Variants in ANO9 observed in about 807,000 individuals in gnomAD.
ANO9 encodes anoctamin 9, also known as anoctamin-9.
Under a neutral mutation model 100.5 loss-of-function variants are expected in ANO9, and 80 were observed. The ratio of observed to expected loss-of-function variants is 0.80; its 90% CI spans 0.66 to 0.96. The LOEUF is 0.96. ANO9 is among the 40% of genes least tolerant of loss of function. The pLI is 0.00. For missense variants in ANO9, 1,064 were observed against 1,072.7 expected, an observed-to-expected ratio of 0.99 and a Z score of 0.11; for synonymous variants, 473 against 435.6, an observed-to-expected ratio of 1.09 and a Z score of -1.07.
chr11:431,928 G>A (rs373093473), intron 5 of ANO9, 22 bp from the exon 6 acceptor site: 1 of 1,611,636 alleles, frequency 6.2e-7, no homozygotes. Context: ...GGGTTCACGA[G>A]TCAGGGGGAG....
intron 13 of ANO9, 24 bp from the exon 14 acceptor site, chr11:428,418 G>T: frequency 6.2e-7 from 1 of 1,612,622 alleles, no homozygotes; most frequent in Non-Finnish European, 8.5e-7. Flanking sequence ...CACCGAATGG[G>T]CTCACTGGGG....
intron 15 of ANO9, among the ~76,000 whole-genome samples, chr11:423,950 C>T (rs1028846479): frequency 1.0e-4 from 15 of 146,894 alleles, no homozygotes; most frequent in Non-Finnish European, 1.9e-4. Context: ...ACTCTGTCAC[C>T]CAGGCTGGAG....
intron 18 of ANO9, 49 bp from the exon 19 acceptor site, chr11:420,664 G>T: frequency 6.2e-7 from 1 of 1,601,058 alleles, no homozygotes. Flanking sequence ...CATGTCCGCG[G>T]ACCCCCGCCC....
Position 433,925 on chromosome 11 carries a change from C to G in ANO9, c.94G>C (p.Glu32Gln). ...EISTCETEAS[E>Q]QWDYVLVAQR... Reference sequence around the variant, plus strand: ...GCCACGAGGACATAGTCCCACTGCTCGGAGGCCTCGGTCTGCAGGGAGGAG... The same window carrying G: ...GCCACGAGGACATAGTCCCACTGCTGGGAGGCCTCGGTCTGCAGGGAGGAG... Residue 32 changes from glutamate (E) to glutamine (Q), a missense_variant, in exon 3 of 23, where the codon GAG becomes CAG. Physicochemically the swap from Glu to Gln is conservative, Grantham distance 29. Transcript: ENST00000332826. 1.3e-6 allele frequency: 2 copies of G among 1,561,880 alleles called. No individual in the cohort carries two copies. The highest frequency in any genetic ancestry group is 1.7e-6 in the Non-Finnish European group (2 of 1,152,970).
intron 4 of ANO9, 184 bp downstream of exon 4, chr11:433,130 T>C (rs1327562067): frequency 4.0e-6 from 3 of 741,084 alleles, no homozygotes; most frequent in Non-Finnish European, 6.2e-6. Flanking sequence ...GATCCTTTAA[T>C]GGGATGGGGA....
rs1276046837 is a variant in ANO9 at position 433,926 on chromosome 11, G to A, written c.93C>T (p.Ser31=). 2.6e-5 allele frequency: 40 copies of A among 1,561,946 alleles called. No homozygotes were observed. In the Admixed American group the frequency reaches 3.9e-4, roughly 15 times the overall value. Residue 31 remains serine (S), a synonymous_variant, in exon 3 of 23, where the codon TCC becomes TCT. Transcript: ENST00000332826. The stretch of plus-strand genomic sequence containing the variant: ...CCACGAGGACATAGTCCCACTGCTC[G>A]GAGGCCTCGGTCTGCAGGGAGGAGG... ...MEISTCETEA[S]EQWDYVLVAQ...
At chr11:439,266 C>T (rs1845646812) in intron 1 of ANO9, among the ~76,000 whole-genome samples, 1 of 152,366 alleles carries the variant, frequency 6.6e-6, no homozygotes, top group African/African-American at 2.4e-5. Context: ...CATAGGCCAG[C>T]GTCCAGTGGG....
At chr11:423,914 C>G (rs1268244114) in intron 15 of ANO9, among the ~76,000 whole-genome samples, 1 of 151,748 alleles carries the variant, frequency 6.6e-6, no homozygotes, top group Non-Finnish European at 1.5e-5. Flanking sequence ...CACACACACA[C>G]ACACACACAT....
rs957133290 is a variant in ANO9, at chr11:422,279, G to A, written c.1335-1081C>T. On this transcript the variant is annotated intron_variant, in intron 15 of 22. Coordinates refer to ENST00000332826, the MANE Select transcript of ANO9 (RefSeq NM_001012302.3). The surrounding 1 kb of genome is among the most constrained non-coding windows in gnomAD (Gnocchi z 4.3). Reference sequence around the variant, plus strand: ...GAACCTCGTTCTCCCATAAGAAAACGGAGGATGTATTTGTAGTCAGAGCGA... The same window carrying A: ...GAACCTCGTTCTCCCATAAGAAAACAGAGGATGTATTTGTAGTCAGAGCGA... 6.6e-6 allele frequency among the ~76,000 whole-genome samples: 1 copy of A among 152,202 alleles called. No individual in the cohort carries two copies. Among genetic ancestry groups the A allele is most frequent in the African/African-American group, 2.4e-5 (1 of 41,460 alleles).
intron 15 of ANO9, among the ~76,000 whole-genome samples, chr11:425,026 GT>G (rs1449306694): frequency 1.6e-5 from 2 of 123,594 alleles, no homozygotes; most frequent in African/African-American, 3.1e-5. Context: ...AAAAGGCGGC[GT>G]GGAGAGACGG....
At chr11:436,657 G>C (rs1261931783) in intron 1 of ANO9, among the ~76,000 whole-genome samples, 1 of 147,648 alleles carries the variant, frequency 6.8e-6, no homozygotes, top group Non-Finnish European at 1.5e-5. Context: ...TGAGCAGGGG[G>C]TGAGCAGGGA....
rs898661474 is a variant in ANO9, at chr11:417,997, G to C, written c.*374C>G. 3.7e-6 allele frequency: 1 copy of C among 267,262 alleles called. No individual in the cohort carries two copies. Among genetic ancestry groups the C allele is most frequent in the Non-Finnish European group, 7.1e-6 (1 of 140,602 alleles). The allele number at this position is 267,262 out of a possible 1,614,324, so 16.6% of individuals were successfully genotyped here. ...TGAAGGGAACAGGCCAGCGAGGTGG[G>C]CTCAGGACACCCCCAACAGCCAGGA... On this transcript the variant is annotated 3_prime_UTR_variant, in exon 23 of 23. Transcript: ENST00000332826. The surrounding 1 kb of genome is among the most constrained non-coding windows in gnomAD (Gnocchi z 4.2).
intron 1 of ANO9, among the ~76,000 whole-genome samples, chr11:435,523 G>A (rs1304821969): frequency 2.5e-4 from 25 of 100,430 alleles, no homozygotes; most frequent in Admixed American, 3.0e-4. Context: ...AGTCTAGTAT[G>A]GTCTAGTCTA....
intron 9 of ANO9, 34 bp downstream of exon 9, chr11:430,049 C>G: frequency 6.5e-7 from 1 of 1,542,698 alleles, no homozygotes; most frequent in Admixed American, 2.0e-5. Flanking sequence ...TCCCATCTTC[C>G]GCAGGCCCTG....
In ANO9 at chr11:428,109, T is replaced by C; in HGVS notation, c.1313A>G (p.Tyr438Cys). The C allele has an allele frequency of 6.2e-7, 1 of 1,609,546 alleles. No homozygotes were observed. Among genetic ancestry groups the C allele is most frequent in the Non-Finnish European group, 8.5e-7 (1 of 1,179,228 alleles). The part of the protein sequence containing the change: ...QFFTHFSSLI[Y>C]IAFILGRING... ...CTACCTGCCCAGGATGAAGGCGATGTAGATGAGAGACGAGAAATGGGTGAA... is the reference window on the plus strand; with the variant it reads ...CTACCTGCCCAGGATGAAGGCGATGCAGATGAGAGACGAGAAATGGGTGAA... Residue 438 changes from tyrosine to cysteine, a missense_variant, in exon 15 of 23, where the codon TAC becomes TGC. Transcript: ENST00000332826.
rs1030788747 is a variant in ANO9 at position 432,539 on chromosome 11, G to A, written c.351-485C>T. ...CAGCCAAGCGTCCGACGGCAGAGCC[G>A]GGCTCCCAGCCTCCCCCTGTGCCTA... On this transcript the variant is annotated intron_variant, in intron 4 of 22. Transcript: ENST00000332826. This position sits in a 1 kb window ranked among gnomAD's most constrained non-coding sequence, Gnocchi z 4.8. 7.5e-5 allele frequency: 12 copies of A among 159,466 alleles called. No individual in the cohort carries two copies. Among genetic ancestry groups the A allele is most frequent in the East Asian group, 1.9e-4 (1 of 5,334 alleles). 9.9% of individuals were successfully genotyped at this position (159,466 alleles called of 1,614,324 possible).
intron 1 of ANO9, among the ~76,000 whole-genome samples, chr11:435,644 G>A (rs1849448699): frequency 6.6e-6 from 1 of 151,528 alleles, no homozygotes; most frequent in Non-Finnish European, 1.5e-5. Flanking sequence ...GTCTAGTCTA[G>A]TCTAGTCTAG....
intron 1 of ANO9, among the ~76,000 whole-genome samples, chr11:436,063 C>CTT (rs10707508): frequency 1.4e-3 from 139 of 99,306 alleles, no homozygotes; most frequent in Non-Finnish European, 1.9e-3. Context: ...CTTTTCTTTC[C>CTT]TTTTTTTTTT....
chr11:428,090 G>C lies in ANO9; in HGVS notation c.1332C>G (p.Gly444=). The change falls in exon 15 of 23, where the codon GGC becomes GGG. Residue 444 remains glycine (G), a splice_region_variant and synonymous_variant. Transcript: ENST00000332826. ...SSLIYIAFIL[G]RINGHPGKST... ...AGGGAGCCTGGCGCCGGCCCTACCT[G>C]CCCAGGATGAAGGCGATGTAGATGA... 1.2e-6 allele frequency: 2 copies of C among 1,607,690 alleles called. No individual in the cohort carries two copies. The highest frequency in any genetic ancestry group is 1.7e-6 in the Non-Finnish European group (2 of 1,178,560).
Sources: gnomAD v4.1 joint callset for allele counts (sites outside exome capture counted in the v4.1 genomes callset) on GRCh38, gnomAD v4.1.1 for gene constraint, Gnocchi (gnomAD v3.1) non-coding constraint, MANE v1.5 for transcripts, NCBI Gene and HGNC (gene_info 2026-07-23, HGNC 2026-07-21) for gene names.